Variants in PTPRT observed in about 807,000 individuals in gnomAD.
PTPRT encodes receptor-type tyrosine-protein phosphatase T.
Under a neutral mutation model 176.8 loss-of-function variants are expected in PTPRT, and 56 were observed. That is an observed-to-expected ratio of 0.32 (90% CI 0.26 to 0.40). The LOEUF is 0.40. Among genes scored for constraint, PTPRT ranks in the 10% least tolerant of loss-of-function variants. The pLI is 1.00. For synonymous variants in PTPRT, 783 were observed against 739.0 expected (o/e 1.06, Z -0.96); for missense variants, 1,540 against 1,908.2 (o/e 0.81, Z 3.60).
chr20:43,036,940 T>A (rs1986404670), intron 1 of PTPRT, among the ~76,000 whole-genome samples: 1 of 152,238 alleles, frequency 6.6e-6, no homozygotes, highest in Non-Finnish European at 1.5e-5. Flanking sequence ...TTAATAAATC[T>A]GAAATTTTCT....
intron 12 of PTPRT, among the ~76,000 whole-genome samples, chr20:42,288,127 T>C (rs1466013682): frequency 2.6e-5 from 4 of 152,038 alleles, no homozygotes; most frequent in East Asian, 3.9e-4. Flanking sequence ...CAGATGAGTA[T>C]ACTAAACTTA....
intron 7 of PTPRT, among the ~76,000 whole-genome samples, chr20:42,663,275 A>T (rs953847663): frequency 6.6e-6 from 1 of 152,094 alleles, no homozygotes; most frequent in Non-Finnish European, 1.5e-5. Context: ...ACTTTGCTGC[A>T]CCTGTGGGCA....
chr20:42,161,801 T>A (rs1162746689), intron 16 of PTPRT, among the ~76,000 whole-genome samples: 1 of 152,156 alleles, frequency 6.6e-6, no homozygotes. Flanking sequence ...AGGTTGTTCA[T>A]CATCCCCGTC....
rs192243718 is a variant in PTPRT, at chr20:42,522,479, T to C, written c.1154-49917A>G. Among the ~76,000 whole-genome samples the C allele has an allele frequency of 7.2e-5, 11 of 152,212 alleles. No homozygotes were observed. The East Asian group carries it at 2.1e-3, about 29-fold the overall frequency. ...GTGTTATTCTCCTTTTTCTTTGAGA[T>C]GGAGTCTCACTCACTCTATTGCTCA... is the stretch of plus-strand genomic sequence containing the variant. On this transcript the variant is annotated intron_variant, in intron 7 of 30. Coordinates refer to ENST00000373187, the MANE Select transcript of PTPRT (RefSeq NM_007050.6).
chr20:42,195,134 A>G (rs1991159102), intron 16 of PTPRT, among the ~76,000 whole-genome samples: 1 of 152,184 alleles, frequency 6.6e-6, no homozygotes, highest in African/African-American at 2.4e-5. Flanking sequence ...GTGCACATGT[A>G]CCCTAAAACT....
intron 5 of PTPRT, among the ~76,000 whole-genome samples, chr20:42,762,078 T>A (rs780514871): frequency 6.6e-6 from 1 of 152,218 alleles, no homozygotes; most frequent in Admixed American, 6.5e-5. Context: ...CCCAGATGCC[T>A]AGCATTCTGG....
chr20:42,282,012 G>T (rs145707413), intron 13 of PTPRT, among the ~76,000 whole-genome samples: 1 of 152,034 alleles, frequency 6.6e-6, no homozygotes, highest in African/African-American at 2.4e-5. Flanking sequence ...TGCCAACCAC[G>T]TAATAATGCA....
At chr20:42,930,745 G>T (rs529220814) in intron 1 of PTPRT, among the ~76,000 whole-genome samples, 1 of 152,164 alleles carries the variant, frequency 6.6e-6, no homozygotes, top group East Asian at 1.9e-4. Context: ...CTCCCAAAGT[G>T]CTGGAATTAC....
At chr20:42,502,405 A>AACAC (rs11467404) in intron 7 of PTPRT, among the ~76,000 whole-genome samples, 1,664 of 137,372 alleles carry the variant, frequency 0.012, 17 homozygotes, top group Admixed American at 0.036. Flanking sequence ...TATGTATACA[A>AACAC]ACACACACAC....
intron 9 of PTPRT, among the ~76,000 whole-genome samples, chr20:42,353,701 T>G (rs1335237254): frequency 6.6e-6 from 1 of 152,240 alleles, no homozygotes; most frequent in Non-Finnish European, 1.5e-5. Flanking sequence ...TACACAGTTG[T>G]GAAGTGGCAA....
chr20:43,067,768 C>T (rs1002064211), intron 1 of PTPRT, among the ~76,000 whole-genome samples: 6 of 150,844 alleles, frequency 4.0e-5, no homozygotes, highest in Admixed American at 6.6e-5. Context: ...TCAAGACCAG[C>T]CTGGGCAACA....
intron 6 of PTPRT, among the ~76,000 whole-genome samples, chr20:42,683,131 G>T (rs778575308): frequency 6.6e-6 from 1 of 152,090 alleles, no homozygotes; most frequent in Non-Finnish European, 1.5e-5. Context: ...AGGTCTGTGG[G>T]AATGCCTCCA....
intron 2 of PTPRT, among the ~76,000 whole-genome samples, chr20:42,825,048 T>G (rs75270309): frequency 6.6e-6 from 1 of 152,202 alleles, no homozygotes; most frequent in African/African-American, 2.4e-5. Flanking sequence ...AGCTAAGATT[T>G]TGAAACAGTG....
At chr20:42,812,869 C>G (rs911489360) in intron 2 of PTPRT, among the ~76,000 whole-genome samples, 1 of 151,820 alleles carries the variant, frequency 6.6e-6, no homozygotes, top group Non-Finnish European at 1.5e-5. Context: ...TGTTGTTATA[C>G]TAAGCTATAT....
chr20:42,520,661 A>G (rs952724523), intron 7 of PTPRT, among the ~76,000 whole-genome samples: 12 of 152,012 alleles, frequency 7.9e-5, no homozygotes, highest in Admixed American at 6.6e-4. Flanking sequence ...CCCAGCTCTG[A>G]GATGAACTAT....
At chr20:42,713,156 TAC>T (rs11468862) in intron 6 of PTPRT, among the ~76,000 whole-genome samples, 51,893 of 147,612 alleles carry the variant, frequency 0.35, 9,944 homozygotes, top group African/African-American at 0.54. Context: ...CACGCACACA[TAC>T]ACACACACAC....
At chr20:43,094,295 C>G (rs1165444555) in intron 1 of PTPRT, among the ~76,000 whole-genome samples, 2 of 150,858 alleles carry the variant, frequency 1.3e-5, no homozygotes, top group Non-Finnish European at 2.9e-5. Context: ...ACCATGTTGG[C>G]CAGGATGGTC....
intron 23 of PTPRT, among the ~76,000 whole-genome samples, chr20:42,107,683 G>C (rs1006080928): frequency 6.6e-6 from 1 of 152,244 alleles, no homozygotes; most frequent in African/African-American, 2.4e-5. Flanking sequence ...TTTTGGATGG[G>C]AAGGCCGGGC....
At chr20:42,540,185 A>T (rs184148033) in intron 7 of PTPRT, among the ~76,000 whole-genome samples, 24 of 152,296 alleles carry the variant, frequency 1.6e-4, no homozygotes, top group Admixed American at 4.6e-4. Flanking sequence ...ATACTTAGGA[A>T]TCAGAATGGC....
Sources: allele counts gnomAD v4.1 joint callset (sites outside exome capture counted in the v4.1 genomes callset), GRCh38; gene constraint gnomAD v4.1.1; transcripts MANE v1.5; gene names NCBI Gene and HGNC (gene_info 2026-07-23, HGNC 2026-07-21).